The following ATP1A3 variants were observed in gnomAD, a reference collection of about 807,000 sequenced individuals.
ATP1A3 encodes sodium/potassium-transporting ATPase subunit alpha-3.
Under a neutral mutation model 108.8 loss-of-function variants are expected in ATP1A3, and 12 were observed. The observed-to-expected ratio is 0.11, with a 90% CI of 0.07 to 0.18. The LOEUF is 0.18. Ranked by LOEUF, ATP1A3 falls within the 10% of genes least tolerant of loss-of-function variation. The pLI is 1.00. For missense variants in ATP1A3, 498 were observed against 1,387.7 expected (o/e 0.36, Z 10.19); for synonymous variants, 539 against 564.5 (o/e 0.95, Z 0.64).
At position 41,986,108 on chromosome 19, in the gene ATP1A3, C is replaced by T; in HGVS notation, c.471+8G>A. ...CCCCCGTCTGGCCCCTTGCTGGGCA[C>T]CCTTCACCTGGGGCACCATGTTCTT... On this transcript the variant is annotated splice_region_variant and intron_variant, in intron 5 of 22. Coordinates refer to ENST00000648268, the MANE Select transcript of ATP1A3 (RefSeq NM_152296.5). 1 of 1,614,170 alleles carries T rather than the reference C, an allele frequency of 6.2e-7. No homozygotes were observed. The highest frequency in any genetic ancestry group is 8.5e-7 in the Non-Finnish European group (1 of 1,180,018).
chr19:41,978,154 G>A lies in ATP1A3; in HGVS notation c.1803C>T (p.Ile601=). ...CCCCAGCCACCCCAAGCCACACCTT[G>A]ATGCCTGCGCTGCGACACTTGCCCA... ...DAVGKCRSAG[I]KVIMVTGDHP... is the part of the protein sequence containing the mutation. Residue 601 remains isoleucine, a synonymous_variant, in exon 13 of 23, where the codon ATC becomes ATT. Coordinates refer to ENST00000648268, the MANE Select transcript of ATP1A3 (RefSeq NM_152296.5). This position sits in a 1 kb window ranked among gnomAD's most constrained non-coding sequence, Gnocchi z 8.3. 2 of 1,614,220 alleles carry A rather than the reference G, an allele frequency of 1.2e-6. 1 individual carries two copies. The highest frequency in any genetic ancestry group is 2.2e-5 in the South Asian group (2 of 91,086).
intron 8 of ATP1A3, among the ~76,000 whole-genome samples, chr19:41,982,606 A>G (rs1244828950): frequency 6.6e-6 from 1 of 152,032 alleles, no homozygotes; most frequent in African/African-American, 2.4e-5. Context: ...AGCCTGGGCA[A>G]CAGAGTGAGA....
intron 4 of ATP1A3, 106 bp from the exon 5 acceptor site, chr19:41,986,335 G>C (rs551703448): frequency 1.6e-5 from 17 of 1,061,890 alleles, no homozygotes; most frequent in Non-Finnish European, 2.4e-5. Context: ...GTGGGGGTCT[G>C]TATTTGTGTG....
intron 16 of ATP1A3, among the ~76,000 whole-genome samples, chr19:41,971,375 G>A (rs562482363): frequency 7.9e-5 from 12 of 152,110 alleles, no homozygotes; most frequent in South Asian, 6.2e-4. Flanking sequence ...CCACCCCACC[G>A]ACCGAGTAAT....
In ATP1A3 at chr19:41,976,516, G is replaced by A; in HGVS notation, c.1994C>T (p.Ser665Phe). Residue 665 changes from serine to phenylalanine, a missense_variant, in exon 15 of 23, where the codon TCC becomes TTC. Ser to Phe is a radical substitution (Grantham distance 155). Around this residue, in one of 9 missense-constraint regions of ATP1A3, gnomAD observed 20 missense variants for 17.8 expected, o/e 1.12. Coordinates refer to ENST00000648268, the MANE Select transcript of ATP1A3 (RefSeq NM_152296.5). Reference sequence around the variant, plus strand: ...CTGCAGGATCTCGTCGATTTGCTCGGAGGTGAAGTCCTTGAGGTCGGTGCC... The same window carrying A: ...CTGCAGGATCTCGTCGATTTGCTCGAAGGTGAAGTCCTTGAGGTCGGTGCC... ...IHGTDLKDFT[S>F]EQIDEILQNH... 2 of 1,614,196 alleles carry A rather than the reference G, an allele frequency of 1.2e-6. No homozygotes were observed. Among genetic ancestry groups the A allele is most frequent in the Non-Finnish European group, 1.7e-6 (2 of 1,180,040 alleles).
chr19:41,973,059 TCTC>T (rs1233948825), intron 16 of ATP1A3, among the ~76,000 whole-genome samples: 2 of 152,192 alleles, frequency 1.3e-5, no homozygotes, highest in African/African-American at 4.8e-5. Context: ...ACTAGGGGTT[TCTC>T]ATCCTAAACT....
At position 41,988,551 on chromosome 19, in the gene ATP1A3, A is replaced by G. The variant is rs782107485; in HGVS notation, c.18T>C (p.Asp6=). The part of the protein sequence containing the change: MGDKK[D]DKDSPKKNKG... ...TGTTCTTCTTGGGTGAGTCCTTGTC[A>G]TCTTTCTTGTCCTGCGAGGTGGCGA... The change falls in exon 2 of 23, where the codon GAT becomes GAC. Residue 6 remains aspartate, a synonymous_variant. Coordinates refer to ENST00000648268, the MANE Select transcript of ATP1A3 (RefSeq NM_152296.5). This position sits in a 1 kb window ranked among gnomAD's most constrained non-coding sequence, Gnocchi z 5.3. 12 of 1,614,060 alleles carry G rather than the reference A, an allele frequency of 7.4e-6. No individual in the cohort carries two copies. Among genetic ancestry groups the G allele is most frequent in the Non-Finnish European group, 1.0e-5 (12 of 1,180,006 alleles).
chr19:41,982,392 G>A (rs973636366), intron 8 of ATP1A3, among the ~76,000 whole-genome samples: 2 of 152,134 alleles, frequency 1.3e-5, no homozygotes, highest in African/African-American at 2.4e-5. Flanking sequence ...TTGGGAGGCC[G>A]AGGTAGGCGC....
intron 4 of ATP1A3, chr19:41,986,561 C>T (rs1555865559): frequency 3.0e-6 from 1 of 333,278 alleles, no homozygotes; most frequent in African/African-American, 2.2e-5. Context: ...CCTGCCTCAG[C>T]CTCCTGAGTA....
At chr19:41,979,003 CT>C (rs1391250273) in intron 11 of ATP1A3, among the ~76,000 whole-genome samples, 2 of 151,642 alleles carry the variant, frequency 1.3e-5, no homozygotes, top group African/African-American at 4.9e-5. Context: ...TTCTTTTTTT[CT>C]TTTTTCTTTT....
At position 41,988,732 on chromosome 19, in the gene ATP1A3, C is replaced by A. The variant is rs1568867270; in HGVS notation, c.7-170G>T. 1.1e-5 allele frequency: 15 copies of A among 1,385,226 alleles called. No homozygotes were observed. The East Asian group carries it at 3.0e-4, about 27-fold the overall frequency. 85.8% of individuals were successfully genotyped at this position (1,385,226 alleles called of 1,614,324 possible). ...CGGGGTCTCCCTGTGTCTCCCGGAG[C>A]CTCTGGGTGACTTCACCTCCCTTCT... On this transcript the variant is annotated intron_variant, in intron 1 of 22. Coordinates refer to ENST00000648268, the MANE Select transcript of ATP1A3 (RefSeq NM_152296.5). The surrounding 1 kb of genome is among the most constrained non-coding windows in gnomAD (Gnocchi z 5.3).
At chr19:41,970,858 T>C (rs1408190969) in intron 16 of ATP1A3, among the ~76,000 whole-genome samples, 2 of 151,760 alleles carry the variant, frequency 1.3e-5, no homozygotes, top group Non-Finnish European at 2.9e-5. Context: ...GGTCTCAATC[T>C]CCTGACCTCG....
chr19:41,970,626 CTTTTTT>C, intron 16 of ATP1A3, 84 bp from the exon 17 acceptor site: 355 of 770,166 alleles, frequency 4.6e-4, no homozygotes, highest in Middle Eastern at 1.2e-3. Context: ...ATCCAACGTC[CTTTTTT>C]TTTTTTTTTT....
intron 16 of ATP1A3, among the ~76,000 whole-genome samples, chr19:41,973,497 C>T (rs2145955563): frequency 6.6e-6 from 1 of 152,282 alleles, no homozygotes; most frequent in Non-Finnish European, 1.5e-5. Flanking sequence ...CTCAAGCGAT[C>T]CTCCCGCCTT....
Position 41,966,658 on chromosome 19 carries a change from A to T in ATP1A3, c.*279T>A. 1 of 1,517,318 alleles carries T rather than the reference A, an allele frequency of 6.6e-7. No individual in the cohort carries two copies. The highest frequency in any genetic ancestry group is 8.9e-7 in the Non-Finnish European group (1 of 1,126,132). 94.0% of individuals were successfully genotyped at this position (1,517,318 alleles called of 1,614,324 possible). On this transcript the variant is annotated 3_prime_UTR_variant, in exon 23 of 23. Coordinates refer to ENST00000648268, the MANE Select transcript of ATP1A3 (RefSeq NM_152296.5). The stretch of plus-strand genomic sequence containing the variant: ...TCAGCCGGGGGGCTGAAGGGGAGTA[A>T]AAAAGAGCCCAGGGAGGTGGCTGGG...
chr19:41,989,621 G>C (rs752318381), intron 1 of ATP1A3, among the ~76,000 whole-genome samples: 2 of 152,000 alleles, frequency 1.3e-5, no homozygotes, highest in African/African-American at 4.8e-5. Flanking sequence ...GCCCGGCCTC[G>C]TATCTGTCTT....
Position 41,988,686 on chromosome 19 carries a change from G to T in ATP1A3, c.7-124C>A. 4 of 1,578,324 alleles carry T rather than the reference G, an allele frequency of 2.5e-6. No individual in the cohort carries two copies. Among genetic ancestry groups the T allele is most frequent in the Non-Finnish European group, 3.4e-6 (4 of 1,164,328 alleles). ...GGCCGGTGCCCCTGCATCTCTGGGT[G>T]GGGGGTCTCTGTCTGCCTCTCGGGG... is the stretch of plus-strand genomic sequence containing the variant. On this transcript the variant is annotated intron_variant, in intron 1 of 22. Transcript: ENST00000648268. The surrounding 1 kb of genome is among the most constrained non-coding windows in gnomAD (Gnocchi z 5.3).
intron 1 of ATP1A3, 114 bp downstream of exon 1, chr19:41,993,957 G>C: frequency 6.5e-7 from 1 of 1,545,126 alleles, no homozygotes. Flanking sequence ...CCCGGGTCTC[G>C]CAGGCCTGGC....
chr19:41,969,693 G>T, intron 18 of ATP1A3, 113 bp from the exon 19 acceptor site: 1 of 1,426,484 alleles, frequency 7.0e-7, no homozygotes, highest in Non-Finnish European at 9.8e-7. Flanking sequence ...TGCCCTCCTG[G>T]CCCTGTTATC....
Sources: gnomAD v4.1 joint callset for allele counts (sites outside exome capture counted in the v4.1 genomes callset) on GRCh38, gnomAD v4.1.1 for gene constraint, gnomAD v4.1.1 regional missense constraint, Gnocchi (gnomAD v3.1) non-coding constraint, MANE v1.5 for transcripts, NCBI Gene and HGNC (gene_info 2026-07-23, HGNC 2026-07-21) for gene names.